The following STAU2 variants were observed in gnomAD, a reference collection of about 807,000 sequenced individuals.
STAU2 encodes the protein staufen double-stranded RNA binding protein 2, also known as double-stranded RNA-binding protein Staufen homolog 2.
In STAU2, 20 loss-of-function variants were observed where a neutral mutation model predicts 65.9. The ratio of observed to expected loss-of-function variants is 0.30; its 90% CI spans 0.21 to 0.44. The LOEUF (loss-of-function observed/expected upper bound fraction) is 0.44, where lower values mean the gene tolerates loss of function less well. STAU2 is among the 20% of genes least tolerant of loss of function. The pLI is 1.00. For synonymous variants in STAU2, 232 were observed against 233.9 expected, an observed-to-expected ratio of 0.99 and a Z score of 0.07; for missense variants, 558 against 683.9, an observed-to-expected ratio of 0.82 and a Z score of 2.05.
At chr8:73,511,133 A>C (rs1382888595) in intron 13 of STAU2, 1 of 152,632 alleles carries the variant, frequency 6.6e-6, no homozygotes, top group East Asian at 1.9e-4. Flanking sequence ...CCACGAAGGG[A>C]AACAACCTAC....
intron 12 of STAU2, among the ~76,000 whole-genome samples, chr8:73,581,957 G>A (rs777411893): frequency 6.6e-6 from 1 of 152,132 alleles, no homozygotes; most frequent in Non-Finnish European, 1.5e-5. Flanking sequence ...TTGTAAAGAA[G>A]ATAGATAGGG....
chr8:73,544,300 A>AT (rs1806748385), intron 13 of STAU2, among the ~76,000 whole-genome samples: 1 of 152,184 alleles, frequency 6.6e-6, no homozygotes, highest in African/African-American at 2.4e-5. Flanking sequence ...ATGAAAAACC[A>AT]TTCTAATTGG....
intron 4 of STAU2, among the ~76,000 whole-genome samples, chr8:73,694,950 T>C (rs2130565843): frequency 6.6e-6 from 1 of 152,294 alleles, no homozygotes. Flanking sequence ...ATCATAGCAG[T>C]TGGAACTTGA....
intron 4 of STAU2, among the ~76,000 whole-genome samples, chr8:73,696,816 T>C (rs1047823834): frequency 5.3e-5 from 8 of 152,064 alleles, no homozygotes; most frequent in Non-Finnish European, 8.8e-5. Flanking sequence ...CAGTAGAAAG[T>C]TTATTCAAAG....
chr8:73,570,324 A>C (rs1445006708), intron 12 of STAU2, among the ~76,000 whole-genome samples: 2 of 152,228 alleles, frequency 1.3e-5, no homozygotes, highest in Non-Finnish European at 2.9e-5. Context: ...AAAAGACCAA[A>C]TCTACGTCTG....
chr8:73,465,349 A>G (rs1435054642), intron 13 of STAU2, among the ~76,000 whole-genome samples: 1 of 152,224 alleles, frequency 6.6e-6, no homozygotes, highest in Non-Finnish European at 1.5e-5. Context: ...TTCCTTTACA[A>G]TATCCTAGAA....
chr8:73,670,880 A>C (rs59157348), intron 6 of STAU2, among the ~76,000 whole-genome samples: 2 of 151,956 alleles, frequency 1.3e-5, no homozygotes, highest in Non-Finnish European at 2.9e-5. Context: ...ATCAATAGAT[A>C]AGACCACATA....
rs189950642 is a variant in STAU2, at chr8:73,716,310, G to A, written c.-17-7148C>T. On this transcript the variant is annotated intron_variant, in intron 3 of 14. Transcript: ENST00000524300. ...TCTCCATGTTGGACAGGCCAGTCTC[G>A]AACTCCTGACCCCAGGTGATCCACC... Among the ~76,000 whole-genome samples the A allele has an allele frequency of 2.9e-3, 439 of 152,112 alleles. 1 individual carries two copies. Among genetic ancestry groups the A allele is most frequent in the Middle Eastern group, 6.8e-3 (2 of 294 alleles).
At chr8:73,711,419 G>T (rs1820892550) in intron 3 of STAU2, among the ~76,000 whole-genome samples, 1 of 151,976 alleles carries the variant, frequency 6.6e-6, no homozygotes, top group Admixed American at 6.6e-5. Context: ...CAGAATAATT[G>T]GTTAAAATGA....
At chr8:73,646,524 G>A (rs1815384840) in intron 6 of STAU2, among the ~76,000 whole-genome samples, 1 of 152,048 alleles carries the variant, frequency 6.6e-6, no homozygotes, top group African/African-American at 2.4e-5. Flanking sequence ...ATAACCACAG[G>A]CAAAAAACCG....
At chr8:73,736,412 C>G (rs527933696) in intron 3 of STAU2, among the ~76,000 whole-genome samples, 287 of 152,284 alleles carry the variant, frequency 1.9e-3, no homozygotes, top group Non-Finnish European at 3.1e-3. Context: ...AACAAACTGT[C>G]TAACAAGGGA....
At chr8:73,587,735 A>G (rs1464801240) in intron 11 of STAU2, among the ~76,000 whole-genome samples, 2 of 152,228 alleles carry the variant, frequency 1.3e-5, no homozygotes, top group Non-Finnish European at 2.9e-5. Context: ...AGATAGCACA[A>G]ACTACCCATA....
chr8:73,650,341 T>C (rs147551267), intron 6 of STAU2, among the ~76,000 whole-genome samples: 3 of 152,238 alleles, frequency 2.0e-5, no homozygotes, highest in South Asian at 2.1e-4. Context: ...AATTTTTTAA[T>C]AAAACAAAAT....
rs1196113875 is a variant in STAU2, at chr8:73,736,948, TC to T, written c.-18+1335del. Among the ~76,000 whole-genome samples, 7 of 152,328 alleles carry T rather than the reference TC, an allele frequency of 4.6e-5. No individual in the cohort carries two copies. The East Asian group carries it at 1.4e-3, about 29-fold the overall frequency. On this transcript the variant is annotated intron_variant, in intron 3 of 14. Transcript: ENST00000524300. Reference sequence around the variant, plus strand: ...GGTGTGATCTCAGCTCACTGCAACCTCCGTCTGCTGGGTTCAAGCAACTCTT... The same window carrying T: ...GGTGTGATCTCAGCTCACTGCAACCTCGTCTGCTGGGTTCAAGCAACTCTT...
intron 13 of STAU2, among the ~76,000 whole-genome samples, chr8:73,442,790 G>GACAACTGGCATTTCCTAATATGTATT (rs1818257477): frequency 6.6e-6 from 1 of 152,178 alleles, no homozygotes; most frequent in Non-Finnish European, 1.5e-5. Flanking sequence ...TTGCGTGCAT[G>GACAACTGGCATTTCCTAATATGTATT]ACAACTGGCA....
Position 73,686,714 on chromosome 8 carries a change from T to TG in STAU2, c.274+1939dup, listed in dbSNP as rs373473571. Among the ~76,000 whole-genome samples, 685 of 151,866 alleles carry TG rather than the reference T, an allele frequency of 4.5e-3. 5 individuals are homozygous for TG. The highest frequency in any genetic ancestry group is 0.016 in the African/African-American group (657 of 41,410). On this transcript the variant is annotated intron_variant, in intron 5 of 14. Coordinates refer to ENST00000524300, the MANE Select transcript of STAU2 (RefSeq NM_001164380.2). ...TTTATCAATGTAACCGAATACCACCTGTTCCCCAAAAACTATTGAAATAAA... is the reference window on the plus strand; with the variant it reads ...TTTATCAATGTAACCGAATACCACCTGGTTCCCCAAAAACTATTGAAATAAA...
At chr8:73,453,066 C>A (rs1674984850) in intron 13 of STAU2, among the ~76,000 whole-genome samples, 1 of 152,146 alleles carries the variant, frequency 6.6e-6, no homozygotes, top group African/African-American at 2.4e-5. Flanking sequence ...TAGTAAATGA[C>A]TCTGACTCGG....
intron 13 of STAU2, among the ~76,000 whole-genome samples, chr8:73,436,834 G>T (rs1164745816): frequency 6.6e-6 from 1 of 151,904 alleles, no homozygotes; most frequent in African/African-American, 2.4e-5. Flanking sequence ...TGATCTGCCC[G>T]CCTCAACCTC....
chr8:73,422,383 T>G (rs889314290), intron 14 of STAU2, among the ~76,000 whole-genome samples: 2 of 152,182 alleles, frequency 1.3e-5, no homozygotes, highest in Admixed American at 6.5e-5. Flanking sequence ...AACAAAGCAA[T>G]GAAATGCAAA....
Sources: gnomAD v4.1 joint callset for allele counts (sites outside exome capture counted in the v4.1 genomes callset) on GRCh38, gnomAD v4.1.1 for gene constraint, MANE v1.5 for transcripts, NCBI Gene and HGNC (gene_info 2026-07-23, HGNC 2026-07-21) for gene names.